EPS8: variants seen among roughly 807,000 people sequenced by gnomAD.
The protein encoded by EPS8 is EGFR pathway substrate 8, signaling adaptor.
In EPS8, 42 loss-of-function variants were observed where a neutral mutation model predicts 103.8. That is an observed-to-expected ratio of 0.40 (90% CI 0.32 to 0.52). The LOEUF is 0.52. EPS8 is among the 20% of genes least tolerant of loss of function. The probability of loss-of-function intolerance (pLI) is 0.40; values close to 1 mark genes in which losing one functional copy is unlikely to be tolerated. For synonymous variants in EPS8, 344 were observed against 344.6 expected, an observed-to-expected ratio of 1.00 and a Z score of 0.02; for missense variants, 969 against 1,005.1, an observed-to-expected ratio of 0.96 and a Z score of 0.49.
At chr12:15,671,040 C>A in intron 3 of EPS8, 117 bp from the exon 4 acceptor site, 1 of 631,598 alleles carries the variant, frequency 1.6e-6, no homozygotes. Flanking sequence ...CAGTAGCTGA[C>A]AAGTTGCCAT....
intron 17 of EPS8, among the ~76,000 whole-genome samples, chr12:15,634,094 AC>A (rs1281435761): frequency 1.3e-5 from 2 of 152,212 alleles, no homozygotes; most frequent in Admixed American, 6.5e-5. Flanking sequence ...GAACCAACGT[AC>A]TGAAGCTCCA....
At chr12:15,642,915 T>C (rs898712306) in intron 15 of EPS8, among the ~76,000 whole-genome samples, 5 of 152,212 alleles carry the variant, frequency 3.3e-5, no homozygotes, top group African/African-American at 7.2e-5. Flanking sequence ...ATGACCAGTA[T>C]AGAACACCTT....
rs1439395837 is a variant in EPS8, at chr12:15,702,966, T to C, written c.-21-19994A>G. Among the ~76,000 whole-genome samples, 3 of 152,068 alleles carry C rather than the reference T, an allele frequency of 2.0e-5. No homozygotes were observed. Among genetic ancestry groups the C allele is most frequent in the Non-Finnish European group, 4.4e-5 (3 of 68,004 alleles). On this transcript the variant is annotated intron_variant, in intron 1 of 20. Coordinates refer to ENST00000281172, the MANE Select transcript of EPS8 (RefSeq NM_004447.6). This position sits in a 1 kb window ranked among gnomAD's most constrained non-coding sequence, Gnocchi z 5.1. ...GAGATTGAGACCATCCTGGCCAACA[T>C]AGTGAAACCCCATCTCCACTAAAAA...
chr12:15,659,212 A>G (rs1215057529), intron 10 of EPS8, among the ~76,000 whole-genome samples: 1 of 152,178 alleles, frequency 6.6e-6, no homozygotes, highest in South Asian at 2.1e-4. Context: ...CAGGGCGAAC[A>G]GTTGTACTTA....
chr12:15,632,319 T>C (rs1011231510), intron 17 of EPS8, among the ~76,000 whole-genome samples: 7 of 152,200 alleles, frequency 4.6e-5, no homozygotes, highest in South Asian at 2.1e-4. Context: ...CCTGTGGCCA[T>C]TTGTATTAAA....
intron 9 of EPS8, among the ~76,000 whole-genome samples, chr12:15,661,019 C>T (rs748679514): frequency 6.6e-6 from 1 of 152,128 alleles, no homozygotes; most frequent in Non-Finnish European, 1.5e-5. Flanking sequence ...CTAATTTTCT[C>T]AGTGTTCTCC....
At position 15,623,564 on chromosome 12, in the gene EPS8, T is replaced by C. The variant is rs746921116; in HGVS notation, c.2226-277A>G. Among the ~76,000 whole-genome samples, 7 of 152,148 alleles carry C rather than the reference T, an allele frequency of 4.6e-5. No homozygotes were observed. The South Asian group carries it at 1.5e-3, about 32-fold the overall frequency. On this transcript the variant is annotated intron_variant, in intron 19 of 20. Transcript: ENST00000281172. ...TAATACCAATTCTTGGGATTTGGTG[T>C]TTTATAGAAGGAATAGATAACTTTC...
intron 1 of EPS8, chr12:15,788,049 G>C (rs1051809811): frequency 6.6e-6 from 1 of 152,136 alleles, no homozygotes; most frequent in Non-Finnish European, 1.5e-5. Context: ...AAATAAACTA[G>C]AGGCAATACA....
In EPS8 at chr12:15,690,173, G is replaced by A. The variant is rs183604971; in HGVS notation, c.-21-7201C>T. Among the ~76,000 whole-genome samples, 88 of 152,232 alleles carry A rather than the reference G, an allele frequency of 5.8e-4. 1 individual carries two copies. The highest frequency in any genetic ancestry group is 2.0e-3 in the African/African-American group (84 of 41,536). On this transcript the variant is annotated intron_variant, in intron 1 of 20. Transcript: ENST00000281172. The surrounding 1 kb of genome is among the most constrained non-coding windows in gnomAD (Gnocchi z 4.7). ...GCATTTCCGTATAGCTCCTTAAGAG[G>A]ATCAATCTTTTCTAAAGTGTACAAT...
In EPS8 at chr12:15,731,785, G is replaced by T. The variant is rs536360163; in HGVS notation, c.-21-48813C>A. On this transcript the variant is annotated intron_variant, in intron 1 of 20. Coordinates refer to ENST00000281172, the MANE Select transcript of EPS8 (RefSeq NM_004447.6). This position sits in a 1 kb window ranked among gnomAD's most constrained non-coding sequence, Gnocchi z 5.1. ...AACTGGCAGCAAAAAGCTGTTCAGT[G>T]TGCTGTTAGCTAACCCCTACAGCTT... Among the ~76,000 whole-genome samples the T allele has an allele frequency of 6.6e-6, 1 of 152,272 alleles. No homozygotes were observed. Among genetic ancestry groups the T allele is most frequent in the East Asian group, 1.9e-4 (1 of 5,182 alleles).
At chr12:15,657,225 C>T (rs539393139) in intron 12 of EPS8, among the ~76,000 whole-genome samples, 12 of 152,272 alleles carry the variant, frequency 7.9e-5, no homozygotes, top group South Asian at 6.2e-4. Context: ...AACATTTATA[C>T]GTTAACTATT....
At chr12:15,661,721 TAATAA>T (rs879823612) in intron 9 of EPS8, among the ~76,000 whole-genome samples, 2 of 152,156 alleles carry the variant, frequency 1.3e-5, no homozygotes, top group South Asian at 2.1e-4. Context: ...TTACAAACGA[TAATAA>T]AATAAAAATT....
rs995869816 is a variant in EPS8 at position 15,706,862 on chromosome 12, A to T, written c.-21-23890T>A. Among the ~76,000 whole-genome samples the T allele has an allele frequency of 6.6e-6, 1 of 152,116 alleles. No homozygotes were observed. The highest frequency in any genetic ancestry group is 2.4e-5 in the African/African-American group (1 of 41,404). The stretch of plus-strand genomic sequence containing the variant: ...TTTTTCTATTTTACATACTAACTAA[A>T]TTTATACAAATGCCCATATTTGATA... On this transcript the variant is annotated intron_variant, in intron 1 of 20. Transcript: ENST00000281172. This position sits in a 1 kb window ranked among gnomAD's most constrained non-coding sequence, Gnocchi z 5.2.
intron 2 of EPS8, among the ~76,000 whole-genome samples, 166 bp from the exon 3 acceptor site, chr12:15,681,468 C>T (rs912334266): frequency 3.9e-5 from 6 of 151,914 alleles, no homozygotes; most frequent in Non-Finnish European, 5.9e-5. Context: ...CGGTGGCTCA[C>T]GCCTATAATC....
chr12:15,663,756 C>G (rs1158014203), intron 8 of EPS8, among the ~76,000 whole-genome samples: 1 of 150,082 alleles, frequency 6.7e-6, no homozygotes, highest in African/African-American at 2.5e-5. Flanking sequence ...AACTCCATCT[C>G]TACTAAAAAT....
intron 1 of EPS8, among the ~76,000 whole-genome samples, chr12:15,750,058 G>A (rs765627198): frequency 5.9e-5 from 9 of 152,072 alleles, no homozygotes; most frequent in African/African-American, 1.7e-4. Flanking sequence ...TAAACCTGCC[G>A]GGTGCTTGGA....
At chr12:15,786,973 T>C (rs1044707881) in intron 1 of EPS8, among the ~76,000 whole-genome samples, 2 of 152,148 alleles carry the variant, frequency 1.3e-5, no homozygotes, top group Non-Finnish European at 2.9e-5. Context: ...TATGTTGTTT[T>C]GTGATGATCC....
intron 1 of EPS8, among the ~76,000 whole-genome samples, chr12:15,770,391 TG>T (rs1262470166): frequency 2.0e-5 from 3 of 152,052 alleles, no homozygotes; most frequent in Non-Finnish European, 4.4e-5. Context: ...CAGTAGGATT[TG>T]GTAAAAACAA....
intron 14 of EPS8, among the ~76,000 whole-genome samples, chr12:15,649,392 TAA>T (rs1945374361): frequency 6.6e-6 from 1 of 152,218 alleles, no homozygotes; most frequent in Admixed American, 6.5e-5. Flanking sequence ...TAGTCAGCTG[TAA>T]CTATAGCAAC....
Sources: gnomAD v4.1 joint callset for allele counts (sites outside exome capture counted in the v4.1 genomes callset) on GRCh38, gnomAD v4.1.1 for gene constraint, Gnocchi (gnomAD v3.1) non-coding constraint, MANE v1.5 for transcripts, NCBI Gene and HGNC (gene_info 2026-07-23, HGNC 2026-07-21) for gene names.